The following CFAP96 variants were observed in gnomAD, a reference collection of about 807,000 sequenced individuals.
CFAP96 encodes cilia and flagella associated protein 96.
the CFAP96 span, chr4:185,415,956 A>G: frequency 8.7e-7 from 1 of 1,152,680 alleles, no homozygotes; most frequent in African/African-American, 1.6e-5. Flanking sequence ...AAATGTATTT[A>G]TTATTAAGAA....
chr4:185,409,687 C>T, the CFAP96 span, among the ~76,000 whole-genome samples: 1 of 152,140 alleles, frequency 6.6e-6, no homozygotes, highest in South Asian at 2.1e-4. Flanking sequence ...TGAATGCACC[C>T]TCTGTGCCAA....
At chr4:185,429,419 C>A in the CFAP96 span, 1 of 1,530,904 alleles carries the variant, frequency 6.5e-7, no homozygotes, top group Non-Finnish European at 8.8e-7. Context: ...ACCATGCCTG[C>A]GGAAGGAGGA....
the CFAP96 span, chr4:185,418,464 TC>T: frequency 6.2e-7 from 1 of 1,610,668 alleles, no homozygotes; most frequent in Non-Finnish European, 8.5e-7. Flanking sequence ...TTTTTGTCCT[TC>T]TTTCTCATGA....
chr4:185,413,220 T>C, the CFAP96 span, among the ~76,000 whole-genome samples: 2 of 151,884 alleles, frequency 1.3e-5, no homozygotes, highest in African/African-American at 2.4e-5. Context: ...AAACCCTGTC[T>C]CTACTAAAAA....
the CFAP96 span, among the ~76,000 whole-genome samples, chr4:185,430,982 T>G: frequency 6.6e-6 from 1 of 151,644 alleles, no homozygotes; most frequent in African/African-American, 2.4e-5. Flanking sequence ...GAGGCTGAGG[T>G]GGGTGGATCA....
chr4:185,448,024 T>G, the CFAP96 span, among the ~76,000 whole-genome samples: 1,294 of 152,234 alleles, frequency 8.5e-3, 16 homozygotes, highest in African/African-American at 0.03. Context: ...CGTTTTGTCT[T>G]TTTTTCCTTT....
chr4:185,444,407 C>G, the CFAP96 span, among the ~76,000 whole-genome samples: 1 of 152,128 alleles, frequency 6.6e-6, no homozygotes. Flanking sequence ...TTTAAGAAGT[C>G]AAAGCAAATA....
At chr4:185,439,385 A>G in the CFAP96 span, among the ~76,000 whole-genome samples, 1 of 152,192 alleles carries the variant, frequency 6.6e-6, no homozygotes, top group Non-Finnish European at 1.5e-5. Flanking sequence ...GGGCAAGAGA[A>G]AAATCCCAAA....
chr4:185,432,799 G>T, the CFAP96 span, among the ~76,000 whole-genome samples: 3 of 151,654 alleles, frequency 2.0e-5, no homozygotes, highest in African/African-American at 7.3e-5. Context: ...GGAGTTTGAG[G>T]TTACAGTGAG....
the CFAP96 span, chr4:185,422,597 G>A: frequency 6.9e-7 from 1 of 1,448,330 alleles, no homozygotes; most frequent in Non-Finnish European, 9.4e-7. Context: ...AAACTCCCTT[G>A]TAAAACAAAA....
At chr4:185,414,894 T>G in the CFAP96 span, among the ~76,000 whole-genome samples, 2 of 152,162 alleles carry the variant, frequency 1.3e-5, no homozygotes, top group African/African-American at 2.4e-5. Context: ...GGAAAAATAT[T>G]AAAATTTCAC....
the CFAP96 span, chr4:185,429,185 C>T: frequency 2.7e-6 from 1 of 370,628 alleles, no homozygotes; most frequent in Non-Finnish European, 4.7e-6. Flanking sequence ...CTCCCCCACC[C>T]CGCAGAGTAG....
the CFAP96 span, chr4:185,415,594 G>A: frequency 1.0e-6 from 1 of 999,740 alleles, no homozygotes; most frequent in African/African-American, 1.6e-5. Context: ...ATGGCTCTTA[G>A]GTTAATAATA....
At chr4:185,444,703 A>G in the CFAP96 span, among the ~76,000 whole-genome samples, 1 of 152,204 alleles carries the variant, frequency 6.6e-6, no homozygotes, top group Non-Finnish European at 1.5e-5. Flanking sequence ...GATAAACTCT[A>G]AAATATTAAT....
At chr4:185,413,654 C>G in the CFAP96 span, 4 of 1,420,488 alleles carry the variant, frequency 2.8e-6, no homozygotes, top group Non-Finnish European at 3.8e-6. Context: ...AAGTCTCCTA[C>G]TGGGTACCAA....
the CFAP96 span, among the ~76,000 whole-genome samples, chr4:185,433,390 C>A: frequency 2.1e-5 from 2 of 93,990 alleles, no homozygotes; most frequent in Non-Finnish European, 4.4e-5. Flanking sequence ...GACTGAGACT[C>A]CATCTCAAAA....
chr4:185,425,995 C>G, the CFAP96 span: 12 of 1,120,350 alleles, frequency 1.1e-5, no homozygotes, highest in Non-Finnish European at 1.4e-5. Flanking sequence ...TCCCGACATG[C>G]TCGGCGGCAT....
the CFAP96 span, chr4:185,449,739 A>G: frequency 1.2e-6 from 1 of 812,094 alleles, no homozygotes; most frequent in East Asian, 3.0e-5. Context: ...TATGGAGCAG[A>G]TAGCTCAAGC....
the CFAP96 span, among the ~76,000 whole-genome samples, chr4:185,438,354 TA>T: frequency 6.6e-6 from 1 of 152,322 alleles, no homozygotes; most frequent in East Asian, 1.9e-4. Flanking sequence ...TATTTTTCTG[TA>T]ATGTCCAATC....
Sources: gnomAD v4.1 joint callset for allele counts (sites outside exome capture counted in the v4.1 genomes callset) on GRCh38, gnomAD v4.1.1 for gene constraint, MANE v1.5 for transcripts, NCBI Gene and HGNC (gene_info 2026-07-23, HGNC 2026-07-21) for gene names.